The following ASIC2 variants were observed in gnomAD, a reference collection of about 807,000 sequenced individuals.
The protein encoded by ASIC2 is acid sensing ion channel subunit 2.
A neutral mutation model predicts 57.3 loss-of-function variants in ASIC2; 25 were observed. The observed-to-expected ratio is 0.44, with a 90% CI of 0.32 to 0.61. The LOEUF (loss-of-function observed/expected upper bound fraction) is 0.61. ASIC2 is among the 20% of genes least tolerant of loss of function. ASIC2 has a pLI of 0.06. For missense variants in ASIC2, 641 were observed against 738.1 expected (o/e 0.87, Z 1.52); for synonymous variants, 319 against 307.5 (o/e 1.04, Z -0.39).
chr17:33,294,409 C>G (rs1345408191), upstream of ASIC2, among the ~76,000 whole-genome samples: 1 of 151,900 alleles, frequency 6.6e-6, no homozygotes, highest in Non-Finnish European at 1.5e-5. Flanking sequence ...GGCAATTTGG[C>G]CAGATCTGTT....
intron 2 of ASIC2, among the ~76,000 whole-genome samples, chr17:33,109,220 C>T (rs146330848): frequency 7.2e-5 from 11 of 152,274 alleles, no homozygotes; most frequent in African/African-American, 2.4e-4. Flanking sequence ...GCAAACACCA[C>T]CTGTTCCCCC....
At chr17:33,878,694 T>A (rs1914617310) in intron 1 of ASIC2, among the ~76,000 whole-genome samples, 1 of 152,216 alleles carries the variant, frequency 6.6e-6, no homozygotes, top group African/African-American at 2.4e-5. Context: ...CAGGATATTA[T>A]CCAGGAGCAC....
At chr17:33,346,253 A>AAGAG (rs1555600204) in intron 1 of ASIC2, among the ~76,000 whole-genome samples, 90 of 127,900 alleles carry the variant, frequency 7.0e-4, no homozygotes, top group African/African-American at 2.5e-3. Context: ...AAAAAAAAAA[A>AAGAG]AGAGAGAGAG....
At position 34,095,890 on chromosome 17, in the gene ASIC2, A is replaced by G. The variant is rs151230694; in HGVS notation, c.555+60088T>C. Among the ~76,000 whole-genome samples, 160 of 151,896 alleles carry G rather than the reference A, an allele frequency of 1.1e-3. 2 individuals are homozygous for G. The East Asian group carries it at 0.021, about 20-fold the overall frequency. ...AACACCTACTATGTGGCACTGTACT[A>G]GGTTCCTTGCCTATATTATTTCAAT... On this transcript the variant is annotated intron_variant, in intron 1 of 9. Transcript: ENST00000359872.
chr17:33,566,378 G>T (rs986503286), intron 1 of ASIC2, among the ~76,000 whole-genome samples: 5 of 152,132 alleles, frequency 3.3e-5, no homozygotes, highest in Admixed American at 1.3e-4. Flanking sequence ...TCTAACCAAG[G>T]CTCAGCTGAT....
At chr17:33,097,407 G>C (rs1169022490) in intron 2 of ASIC2, among the ~76,000 whole-genome samples, 2 of 152,200 alleles carry the variant, frequency 1.3e-5, no homozygotes, top group Non-Finnish European at 2.9e-5. Flanking sequence ...AGAAACCAAA[G>C]CTCACAGAAA....
intron 1 of ASIC2, among the ~76,000 whole-genome samples, chr17:33,865,732 A>G (rs1007410034): frequency 2.7e-5 from 4 of 149,608 alleles, no homozygotes; most frequent in Non-Finnish European, 4.4e-5. Context: ...CATGTACCCT[A>G]AAACTTAGAG....
At chr17:33,251,026 T>C (rs1908862648) in intron 1 of ASIC2, among the ~76,000 whole-genome samples, 1 of 152,256 alleles carries the variant, frequency 6.6e-6, no homozygotes, top group South Asian at 2.1e-4. Context: ...CTTGTTACTT[T>C]CCTGATGTCA....
At chr17:33,397,679 G>A (rs904208673) in intron 1 of ASIC2, among the ~76,000 whole-genome samples, 5 of 152,144 alleles carry the variant, frequency 3.3e-5, no homozygotes, top group African/African-American at 1.2e-4. Context: ...GATAGCCCTT[G>A]GAACCCTAGA....
At chr17:33,446,523 A>G (rs1457233429) in intron 1 of ASIC2, among the ~76,000 whole-genome samples, 3 of 152,154 alleles carry the variant, frequency 2.0e-5, no homozygotes, top group Non-Finnish European at 2.9e-5. Context: ...AGCATCTGTA[A>G]TCTTCCTGCA....
intron 1 of ASIC2, among the ~76,000 whole-genome samples, chr17:34,116,897 G>A (rs1475755168): frequency 6.6e-6 from 1 of 152,014 alleles, no homozygotes; most frequent in African/African-American, 2.4e-5. Context: ...TGGGTGGGTG[G>A]GTGTGTACCA....
intron 1 of ASIC2, among the ~76,000 whole-genome samples, chr17:33,632,859 C>T (rs1906219158): frequency 6.6e-6 from 1 of 152,146 alleles, no homozygotes; most frequent in Admixed American, 6.5e-5. Context: ...TTACTTTCTA[C>T]TTGTAGATGA....
chr17:33,792,818 G>A (rs950829783), intron 1 of ASIC2: 2 of 152,182 alleles, frequency 1.3e-5, no homozygotes, highest in South Asian at 4.1e-4. Flanking sequence ...ATGGTGCAGA[G>A]AACATAGGCT....
Position 33,041,322 on chromosome 17 carries a change from G to A in ASIC2, c.988-12930C>T, listed in dbSNP as rs7218428. ...GTTTACATGCGTTTGTTGAGTCTGA[G>A]TCTTTAGGTTAGGAAAGCACTTATG... On this transcript the variant is annotated intron_variant, in intron 3 of 9. Transcript: ENST00000225823. Among the ~76,000 whole-genome samples the A allele has an allele frequency of 9.1e-3, 1,384 of 152,318 alleles. 26 individuals are homozygous for A. Among genetic ancestry groups the A allele is most frequent in the African/African-American group, 0.031 (1,291 of 41,568 alleles).
intron 1 of ASIC2, among the ~76,000 whole-genome samples, chr17:34,145,370 C>A (rs1279361067): frequency 1.3e-5 from 2 of 152,180 alleles, no homozygotes; most frequent in Non-Finnish European, 2.9e-5. Flanking sequence ...CAATGTCCCT[C>A]ACCTCTGACC....
chr17:33,927,549 T>C (rs1015373453), intron 1 of ASIC2, among the ~76,000 whole-genome samples: 1 of 152,244 alleles, frequency 6.6e-6, no homozygotes, highest in Non-Finnish European at 1.5e-5. Context: ...CCTGATCTGC[T>C]GCTGCCTTGA....
At chr17:33,832,374 T>G (rs968174541) in intron 1 of ASIC2, among the ~76,000 whole-genome samples, 7 of 152,310 alleles carry the variant, frequency 4.6e-5, no homozygotes, top group Middle Eastern at 3.4e-3. Context: ...CACTAAATCA[T>G]TAACAGCAGA....
At chr17:33,040,018 C>T (rs1379864483) in intron 3 of ASIC2, among the ~76,000 whole-genome samples, 1 of 152,188 alleles carries the variant, frequency 6.6e-6, no homozygotes, top group Non-Finnish European at 1.5e-5. Flanking sequence ...AAGTTCCCTC[C>T]CTAAGAGGAA....
intron 1 of ASIC2, among the ~76,000 whole-genome samples, chr17:33,885,994 G>A (rs1453582309): frequency 2.0e-5 from 3 of 152,152 alleles, no homozygotes; most frequent in South Asian, 2.1e-4. Flanking sequence ...TCAGTACCTT[G>A]CATAAAGTAG....
Sources: allele counts gnomAD v4.1 joint callset (sites outside exome capture counted in the v4.1 genomes callset), GRCh38; gene constraint gnomAD v4.1.1; transcripts MANE v1.5; gene names NCBI Gene and HGNC (gene_info 2026-07-23, HGNC 2026-07-21).